The following ZFHX3 variants were observed in gnomAD, a reference collection of about 807,000 sequenced individuals.
ZFHX3 encodes zinc finger homeobox protein 3.
In ZFHX3, 42 loss-of-function variants were observed where a neutral mutation model predicts 279.1. The observed-to-expected ratio is 0.15, with a 90% CI of 0.12 to 0.19. The LOEUF is 0.19. Among genes scored for constraint, ZFHX3 ranks in the 10% least tolerant of loss-of-function variants. The probability of loss-of-function intolerance (pLI) is 1.00; values close to 1 mark genes in which losing one functional copy is unlikely to be tolerated. For missense variants in ZFHX3, 4,981 were observed against 4,754.0 expected (o/e 1.05, Z -1.40); for synonymous variants, 2,293 against 1,957.8 (o/e 1.17, Z -4.52).
intron 5 of ZFHX3, among the ~76,000 whole-genome samples, chr16:73,236,820 A>G (rs2012963776): frequency 6.6e-6 from 1 of 152,196 alleles, no homozygotes; most frequent in South Asian, 2.1e-4. Flanking sequence ...TCAAGTGAGT[A>G]AGAAAAAAAA....
intron 2 of ZFHX3, among the ~76,000 whole-genome samples, chr16:73,634,963 C>T (rs1001067683): frequency 3.3e-5 from 5 of 152,060 alleles, no homozygotes; most frequent in African/African-American, 1.2e-4. Context: ...TCTACCAAAA[C>T]CTTAGCAATA....
intron 1 of ZFHX3, chr16:73,815,911 C>A (rs1960557770): frequency 2.0e-5 from 3 of 151,918 alleles, no homozygotes; most frequent in Non-Finnish European, 2.9e-5. Context: ...GGCATTTCTT[C>A]CAAGACACTA....
At chr16:73,582,008 G>C (rs2051867280) in intron 2 of ZFHX3, among the ~76,000 whole-genome samples, 2 of 151,728 alleles carry the variant, frequency 1.3e-5, no homozygotes, top group African/African-American at 4.9e-5. Flanking sequence ...TCGTGAACTG[G>C]GTAGGTATAC....
intron 8 of ZFHX3, among the ~76,000 whole-genome samples, chr16:73,077,592 C>CTA (rs1965900933): frequency 6.6e-6 from 1 of 151,166 alleles, no homozygotes; most frequent in Non-Finnish European, 1.5e-5. Context: ...GTTTAAGAAA[C>CTA]GTTTAAGAGT....
intron 7 of ZFHX3, among the ~76,000 whole-genome samples, chr16:73,102,136 A>G (rs1966239650): frequency 6.6e-6 from 1 of 150,854 alleles, no homozygotes; most frequent in African/African-American, 2.4e-5. Context: ...CTGGTCTCAA[A>G]CTCCTGACCT....
At chr16:73,788,855 T>C (rs1959739604) in intron 1 of ZFHX3, among the ~76,000 whole-genome samples, 1 of 151,562 alleles carries the variant, frequency 6.6e-6, no homozygotes, top group African/African-American at 2.4e-5. Context: ...GTGCCTGTAG[T>C]CCCAGCTACT....
intron 1 of ZFHX3, among the ~76,000 whole-genome samples, chr16:73,714,529 G>A (rs949902558): frequency 3.3e-5 from 5 of 152,152 alleles, no homozygotes; most frequent in African/African-American, 1.2e-4. Context: ...ATCCAGCCCA[G>A]TGTCCTCCGA....
At chr16:73,060,378 A>T (rs1456975035), upstream of ZFHX3, 1 of 152,352 alleles carries the variant, frequency 6.6e-6, no homozygotes, top group East Asian at 1.9e-4. Flanking sequence ...AATCAAAGAC[A>T]GCAGCGAGGG....
intron 2 of ZFHX3, among the ~76,000 whole-genome samples, chr16:73,627,203 AGCAAACTGACTCCAC>A (rs1238732411): frequency 1.3e-5 from 2 of 152,232 alleles, no homozygotes; most frequent in Admixed American, 6.5e-5. Flanking sequence ...TGTAGGCAAT[AGCAAACTGACTCCAC>A]GTGCTCCAAA....
intron 1 of ZFHX3, among the ~76,000 whole-genome samples, chr16:73,761,084 C>A (rs2053860891): frequency 6.6e-6 from 1 of 151,848 alleles, no homozygotes; most frequent in Non-Finnish European, 1.5e-5. Context: ...TCTAGAAAAC[C>A]TCATCATCTC....
chr16:73,378,800 C>G (rs1397860143), intron 3 of ZFHX3, among the ~76,000 whole-genome samples: 1 of 152,186 alleles, frequency 6.6e-6, no homozygotes, highest in East Asian at 1.9e-4. Flanking sequence ...AGTTTCTTAT[C>G]TCCCTTTATG....
intron 2 of ZFHX3, among the ~76,000 whole-genome samples, chr16:73,518,454 T>C (rs777098587): frequency 2.2e-4 from 33 of 152,212 alleles, no homozygotes; most frequent in Non-Finnish European, 2.9e-4. Flanking sequence ...CACAGGTCCC[T>C]AACCTTTCAT....
At chr16:73,725,055 A>T (rs958321729) in intron 1 of ZFHX3, among the ~76,000 whole-genome samples, 2 of 152,192 alleles carry the variant, frequency 1.3e-5, no homozygotes, top group Non-Finnish European at 2.9e-5. Flanking sequence ...GTTTCCTATA[A>T]ACTGGCTCCT....
At chr16:73,637,372 T>C (rs2052536978) in intron 2 of ZFHX3, among the ~76,000 whole-genome samples, 1 of 151,708 alleles carries the variant, frequency 6.6e-6, no homozygotes, top group East Asian at 1.9e-4. Flanking sequence ...GTTGGGATTA[T>C]AGGTGGCTGC....
intron 4 of ZFHX3, among the ~76,000 whole-genome samples, chr16:72,838,214 T>A (rs1286456898): frequency 2.6e-5 from 4 of 152,072 alleles, no homozygotes; most frequent in Non-Finnish European, 4.4e-5. Context: ...CAACTCTGGG[T>A]ATTATTAAAA....
chr16:72,938,497 T>C (rs971402373), intron 3 of ZFHX3, among the ~76,000 whole-genome samples: 6 of 152,198 alleles, frequency 3.9e-5, no homozygotes, highest in African/African-American at 9.7e-5. Flanking sequence ...GGCGTCCGAA[T>C]GTGTTTGCGG....
chr16:72,991,042 C>T (rs904536482), intron 1 of ZFHX3, among the ~76,000 whole-genome samples: 1 of 150,992 alleles, frequency 6.6e-6, no homozygotes, highest in East Asian at 1.9e-4. Flanking sequence ...AAGTCCTATA[C>T]ACAGCATAGT....
chr16:73,591,692 C>CAAAAAAAAAAAAAAAAA (rs57402211), intron 2 of ZFHX3, among the ~76,000 whole-genome samples: 6 of 33,438 alleles, frequency 1.8e-4, no homozygotes, highest in East Asian at 1.3e-3. Context: ...GACTCTGTCT[C>CAAAAAAAAAAAAAAAAA]AAAAAAAAAA....
chr16:73,877,942 T>C (rs1476473490), intron 1 of ZFHX3, among the ~76,000 whole-genome samples: 2 of 152,030 alleles, frequency 1.3e-5, no homozygotes, highest in Admixed American at 1.3e-4. Flanking sequence ...ATCCAATCTC[T>C]TTATTTAAAA....
Sources: gnomAD v4.1 joint callset for allele counts (sites outside exome capture counted in the v4.1 genomes callset) on GRCh38, gnomAD v4.1.1 for gene constraint, MANE v1.5 for transcripts, NCBI Gene and HGNC (gene_info 2026-07-23, HGNC 2026-07-21) for gene names.